The following DNM1 variants were observed in gnomAD, a reference collection of about 807,000 sequenced individuals.
The protein encoded by DNM1 is dynamin 1.
DNM1 carries 29 observed loss-of-function variants against 104.6 expected under a neutral mutation model. That is an observed-to-expected ratio of 0.28 (90% CI 0.21 to 0.38). DNM1 has a LOEUF of 0.38. Ranked by LOEUF, DNM1 falls within the 10% of genes least tolerant of loss-of-function variation. DNM1 has a pLI of 1.00. For missense variants in DNM1, 640 were observed against 1,189.4 expected, an observed-to-expected ratio of 0.54 and a Z score of 6.79; for synonymous variants, 445 against 475.8, an observed-to-expected ratio of 0.94 and a Z score of 0.84.
chr9:128,243,116 A>G lies in DNM1; in HGVS notation c.1671+771A>G, dbSNP rs1294092092. Among the ~76,000 whole-genome samples, 1 of 152,114 alleles carries G rather than the reference A, an allele frequency of 6.6e-6. No individual in the cohort carries two copies. The highest frequency in any genetic ancestry group is 2.4e-5 in the African/African-American group (1 of 41,428). ...AAATGACCAGGGTGCCCTCAGGCTG[A>G]GGGGCAAGGAGTGTGGGGGCCCTGC... On this transcript the variant is annotated intron_variant, in intron 15 of 21. Coordinates refer to ENST00000372923, the MANE Select transcript of DNM1 (RefSeq NM_004408.4). The surrounding 1 kb of genome is among the most constrained non-coding windows in gnomAD (Gnocchi z 4.0).
chr9:128,239,579 TGTG>T (rs2131252231), intron 12 of DNM1, 64 bp downstream of exon 12: 1 of 1,001,248 alleles, frequency 1.0e-6, no homozygotes, highest in East Asian at 2.5e-5. Flanking sequence ...TGTGTGTGTG[TGTG>T]TGTGTGTGTG....
chr9:128,209,482 A>G (rs545926921), intron 1 of DNM1, among the ~76,000 whole-genome samples: 1 of 152,294 alleles, frequency 6.6e-6, no homozygotes, highest in African/African-American at 2.4e-5. Context: ...CCCACATGCC[A>G]TATGTCTATG....
chr9:128,254,705 C>T lies in DNM1; in HGVS notation c.2586C>T (p.Phe862=), dbSNP rs560349998. The T allele has an allele frequency of 2.8e-5, 45 of 1,596,310 alleles. No homozygotes were observed. Among genetic ancestry groups the T allele is most frequent in the Non-Finnish European group, 3.4e-5 (40 of 1,179,688 alleles). The change falls in exon 22 of 22, where the codon TTC becomes TTT. Residue 862 remains phenylalanine, a synonymous_variant. Coordinates refer to ENST00000372923, the MANE Select transcript of DNM1 (RefSeq NM_004408.4). This position sits in a 1 kb window ranked among gnomAD's most constrained non-coding sequence, Gnocchi z 6.1. ...GTCCTGAGAGCCCCAGGCCCCCCTT[C>T]GACCTCTAAACAGATCCCTCCTCTT... The part of the protein sequence containing the change: ...PSRPESPRPP[F]DL
intron 10 of DNM1, chr9:128,226,166 G>A: frequency 2.5e-6 from 4 of 1,612,874 alleles, no homozygotes; most frequent in Non-Finnish European, 3.4e-6. Flanking sequence ...AGAAAGTGTA[G>A]CGAAAAGGTA....
chr9:128,227,075 C>A (rs1270724961), intron 10 of DNM1, among the ~76,000 whole-genome samples: 1 of 136,542 alleles, frequency 7.3e-6, no homozygotes, highest in Non-Finnish European at 1.5e-5. Flanking sequence ...AGTGCAGTGG[C>A]ACCATCTTGG....
chr9:128,222,631 G>C lies in DNM1; in HGVS notation c.1128+35G>C, dbSNP rs753837335. 1 of 1,612,336 alleles carries C rather than the reference G, an allele frequency of 6.2e-7. No individual in the cohort carries two copies. The highest frequency in any genetic ancestry group is 8.5e-7 in the Non-Finnish European group (1 of 1,178,762). On this transcript the variant is annotated intron_variant, in intron 8 of 21. Transcript: ENST00000372923. This position sits in a 1 kb window ranked among gnomAD's most constrained non-coding sequence, Gnocchi z 7.8. ...GCAGCCCTGGGGACAGGATGGCTCAGGACTCCCCCCACCCTCACTCAGGAC... is the reference window on the plus strand; with the variant it reads ...GCAGCCCTGGGGACAGGATGGCTCACGACTCCCCCCACCCTCACTCAGGAC...
chr9:128,251,042 G>T, intron 21 of DNM1, 102 bp downstream of exon 21: 1 of 819,808 alleles, frequency 1.2e-6, no homozygotes, highest in Non-Finnish European at 2.0e-6. Context: ...GCCAGAACCG[G>T]CCGTTTCTAT....
intron 6 of DNM1, chr9:128,221,049 C>T (rs1484469500): frequency 7.1e-6 from 1 of 141,164 alleles, no homozygotes; most frequent in Non-Finnish European, 1.5e-5. Flanking sequence ...CTCTTTCTTT[C>T]TCTCTTTCTC....
chr9:128,219,030 C>G lies in DNM1; in HGVS notation c.386-19C>G, dbSNP rs772469890. 4.0e-5 allele frequency: 65 copies of G among 1,612,416 alleles called. No homozygotes were observed. Among genetic ancestry groups the G allele is most frequent in the African/African-American group, 5.3e-5 (4 of 74,906 alleles). On this transcript the variant is annotated intron_variant, in intron 3 of 21. Coordinates refer to ENST00000372923, the MANE Select transcript of DNM1 (RefSeq NM_004408.4). ...CCACGCCCCTCGCCTTGAGCCCGCC[C>G]TCTCGCCGCCCTGTCCAGTGCTGAA...
In DNM1 at chr9:128,242,226, C is replaced by T. The variant is rs761941051; in HGVS notation, c.1558-6C>T. 6.4e-7 allele frequency: 1 copy of T among 1,563,978 alleles called. No individual in the cohort carries two copies. Among genetic ancestry groups the T allele is most frequent in the Non-Finnish European group, 8.8e-7 (1 of 1,134,718 alleles). On this transcript the variant is annotated splice_polypyrimidine_tract_variant and splice_region_variant and intron_variant, in intron 14 of 21. Transcript: ENST00000372923. Reference sequence around the variant, plus strand: ...TCCACTGACCTCCTGCCCCATCACCCTCCAGGTCATCCGCAAGGGCTGGCT... The same window carrying T: ...TCCACTGACCTCCTGCCCCATCACCTTCCAGGTCATCCGCAAGGGCTGGCT...
rs534987510 is a variant in DNM1, at chr9:128,223,852, T to C, written c.1197-399T>C. ...TCATGAGGTCAGGAGATCGAGACCA[T>C]CCTGGCTAACACGGTGAAACCCTGT... On this transcript the variant is annotated intron_variant, in intron 9 of 21. Coordinates refer to ENST00000372923, the MANE Select transcript of DNM1 (RefSeq NM_004408.4). 64 of 156,288 alleles carry C rather than the reference T, an allele frequency of 4.1e-4. 2 individuals are homozygous for C. In the South Asian group the frequency reaches 0.012, roughly 28 times the overall value. 9.7% of individuals were successfully genotyped at this position (156,288 alleles called of 1,614,324 possible).
In DNM1 at chr9:128,203,768, G is replaced by A; in HGVS notation, c.161+137G>A. The A allele has an allele frequency of 3.1e-6, 2 of 654,966 alleles. No individual in the cohort carries two copies. The highest frequency in any genetic ancestry group is 3.7e-5 in the African/African-American group (1 of 26,844). The allele number at this position is 654,966 out of a possible 1,614,324, so 40.6% of individuals were successfully genotyped here. The stretch of plus-strand genomic sequence containing the variant: ...GCCGGCGCGCCCCCCACCCCCAGCC[G>A]GAGCGAGGAGGCCCTCCCCCCACCA... On this transcript the variant is annotated intron_variant, in intron 1 of 21. Coordinates refer to ENST00000372923, the MANE Select transcript of DNM1 (RefSeq NM_004408.4). This position sits in a 1 kb window ranked among gnomAD's most constrained non-coding sequence, Gnocchi z 5.3.
Position 128,203,788 on chromosome 9 carries a change from C to A in DNM1, c.161+157C>A, listed in dbSNP as rs1250282675. The stretch of plus-strand genomic sequence containing the variant: ...CAGCCGGAGCGAGGAGGCCCTCCCC[C>A]CACCACGAGAGCCCCTCGGGGCAGC... On this transcript the variant is annotated intron_variant, in intron 1 of 21. Transcript: ENST00000372923. This position sits in a 1 kb window ranked among gnomAD's most constrained non-coding sequence, Gnocchi z 5.3. Among the ~76,000 whole-genome samples the A allele has an allele frequency of 4.7e-5, 7 of 149,634 alleles. No homozygotes were observed. Among genetic ancestry groups the A allele is most frequent in the Non-Finnish European group, 9.0e-5 (6 of 66,954 alleles).
At position 128,242,020 on chromosome 9, in the gene DNM1, C is replaced by G. The variant is rs570380310; in HGVS notation, c.1558-212C>G. On this transcript the variant is annotated intron_variant, in intron 14 of 21. Transcript: ENST00000372923. ...CGGCCAGGTCTGCCTGTCAAAGGCT[C>G]TTTATCCTGAGCTGATCTCTGCCTT... Among the ~76,000 whole-genome samples the G allele has an allele frequency of 2.6e-5, 4 of 152,334 alleles. No homozygotes were observed. In the East Asian group the frequency reaches 7.7e-4, roughly 29 times the overall value.
Position 128,253,920 on chromosome 9 carries a change from C to T in DNM1, c.2535-734C>T, listed in dbSNP as rs1321408973. The stretch of plus-strand genomic sequence containing the variant: ...TGTGCCATTCAGCCAAGGGGACGAC[C>T]GTGCCTGCTGGCCCAGCTGAGCTCC... On this transcript the variant is annotated intron_variant, in intron 21 of 21. Transcript: ENST00000372923. The surrounding 1 kb of genome is among the most constrained non-coding windows in gnomAD (Gnocchi z 5.9). 2.0e-5 allele frequency: 25 copies of T among 1,227,716 alleles called. No individual in the cohort carries two copies. The highest frequency in any genetic ancestry group is 8.2e-5 in the South Asian group (2 of 24,246). The allele number at this position is 1,227,716 out of a possible 1,614,324, so 76.1% of individuals were successfully genotyped here. A position where few individuals can be genotyped will look rare whatever the true frequency, so the allele number is the denominator to read the frequency against.
Position 128,247,656 on chromosome 9 carries a change from G to C in DNM1, c.1893+170G>C, listed in dbSNP as rs1164523355. Among the ~76,000 whole-genome samples the C allele has an allele frequency of 6.6e-6, 1 of 152,164 alleles. No individual in the cohort carries two copies. Among genetic ancestry groups the C allele is most frequent in the African/African-American group, 2.4e-5 (1 of 41,440 alleles). ...GGGTGGGAACAGAGATAAGTCTCCT[G>C]GTATTCCCATCCTTCTCCAGTGGCA... On this transcript the variant is annotated intron_variant, in intron 17 of 21. Coordinates refer to ENST00000372923, the MANE Select transcript of DNM1 (RefSeq NM_004408.4). This position sits in a 1 kb window ranked among gnomAD's most constrained non-coding sequence, Gnocchi z 5.1.
At chr9:128,236,233 C>T (rs1836002639) in intron 11 of DNM1, among the ~76,000 whole-genome samples, 1 of 152,178 alleles carries the variant, frequency 6.6e-6, no homozygotes, top group Non-Finnish European at 1.5e-5. Context: ...TGAGCAGGGC[C>T]CATCGTGGCC....
At position 128,224,257 on chromosome 9, in the gene DNM1, G is replaced by T; in HGVS notation, c.1203G>T (p.Gly401=). The T allele has an allele frequency of 6.2e-7, 1 of 1,613,762 alleles. No individual in the cohort carries two copies. The highest frequency in any genetic ancestry group is 2.2e-5 in the East Asian group (1 of 44,884). The change falls in exon 10 of 22, where the codon GGG becomes GGT. Residue 401 remains glycine, a synonymous_variant. Coordinates refer to ENST00000372923, the MANE Select transcript of DNM1 (RefSeq NM_004408.4). This position sits in a 1 kb window ranked among gnomAD's most constrained non-coding sequence, Gnocchi z 4.3. ...TCCCGCTCCGGGCGTTCAGAACGGG[G>T]CTGTTTACCCCAGACATGGCCTTTG... ...AIKNIHGIRT[G]LFTPDMAFET... is the part of the protein sequence containing the mutation.
intron 9 of DNM1, chr9:128,223,985 G>C (rs1212345107): frequency 1.1e-5 from 3 of 262,580 alleles, no homozygotes; most frequent in East Asian, 7.9e-5. Flanking sequence ...GGAGGCGGAG[G>C]TTGCAGTGAG....
Sources: gnomAD v4.1 joint callset for allele counts (sites outside exome capture counted in the v4.1 genomes callset) on GRCh38, gnomAD v4.1.1 for gene constraint, Gnocchi (gnomAD v3.1) non-coding constraint, MANE v1.5 for transcripts, NCBI Gene and HGNC (gene_info 2026-07-23, HGNC 2026-07-21) for gene names.